Variants in RBFOX1 observed in about 807,000 individuals in gnomAD.
The protein encoded by RBFOX1 is RNA binding fox-1 homolog 1.
Under a neutral mutation model 57.7 loss-of-function variants are expected in RBFOX1, and 8 were observed. The observed-to-expected ratio is 0.14, with a 90% confidence interval of 0.08 to 0.25. The LOEUF is 0.25. Among genes scored for constraint, RBFOX1 ranks in the 10% least tolerant of loss-of-function variants. The probability of loss-of-function intolerance (pLI) is 1.00; values close to 1 mark genes in which losing one functional copy is unlikely to be tolerated. For synonymous variants in RBFOX1, 326 were observed against 222.4 expected (o/e 1.47, Z -4.15); for missense variants, 611 against 548.5 (o/e 1.11, Z -1.14).
chr16:6,694,416 G>A (rs530270808), intron 3 of RBFOX1, among the ~76,000 whole-genome samples: 2 of 152,168 alleles, frequency 1.3e-5, no homozygotes, highest in African/African-American at 2.4e-5. Flanking sequence ...AGAAAAAACT[G>A]GTTGGTCTTA....
At chr16:5,311,262 A>G (rs1274333386) in intron 1 of RBFOX1, among the ~76,000 whole-genome samples, 1 of 152,172 alleles carries the variant, frequency 6.6e-6, no homozygotes, top group Non-Finnish European at 1.5e-5. Context: ...ATATACACAC[A>G]CATATATATT....
chr16:6,493,873 C>A (rs938329142), intron 2 of RBFOX1, among the ~76,000 whole-genome samples: 1 of 152,152 alleles, frequency 6.6e-6, no homozygotes, highest in African/African-American at 2.4e-5. Context: ...AACTATGCAA[C>A]GTTAAGTACA....
chr16:6,748,166 G>A (rs775640249), intron 3 of RBFOX1, among the ~76,000 whole-genome samples: 25 of 151,710 alleles, frequency 1.6e-4, no homozygotes, highest in African/African-American at 3.2e-4. Context: ...CTAGCATCTC[G>A]TTAGGCAATA....
chr16:5,793,648 C>T (rs181987153), intron 3 of RBFOX1, among the ~76,000 whole-genome samples: 5 of 152,306 alleles, frequency 3.3e-5, no homozygotes, highest in East Asian at 1.9e-4. Context: ...GTGAGGAACC[C>T]GGTACTTGCA....
At chr16:6,405,247 TG>T (rs2093234580) in intron 2 of RBFOX1, among the ~76,000 whole-genome samples, 1 of 152,144 alleles carries the variant, frequency 6.6e-6, no homozygotes, top group Non-Finnish European at 1.5e-5. Context: ...AGTTAGAGGG[TG>T]TTTTGAGATG....
chr16:6,274,762 A>G (rs2075613428), intron 1 of RBFOX1, among the ~76,000 whole-genome samples: 1 of 152,204 alleles, frequency 6.6e-6, no homozygotes, highest in South Asian at 2.1e-4. Context: ...CTCAGAATGA[A>G]ATATCTAATT....
chr16:6,141,429 A>G (rs929725020), intron 1 of RBFOX1, among the ~76,000 whole-genome samples: 6 of 152,114 alleles, frequency 3.9e-5, no homozygotes, highest in African/African-American at 9.7e-5. Flanking sequence ...CCCCTGGGTT[A>G]TCTGTTAGGG....
At chr16:7,024,841 G>A (rs2040413983) in intron 3 of RBFOX1, among the ~76,000 whole-genome samples, 1 of 152,268 alleles carries the variant, frequency 6.6e-6, no homozygotes, top group East Asian at 1.9e-4. Context: ...CTCACACGGG[G>A]CTGGGTGTCA....
chr16:7,445,031 TTTCTTTTG>T (rs1032629893), intron 4 of RBFOX1, among the ~76,000 whole-genome samples: 1 of 152,156 alleles, frequency 6.6e-6, no homozygotes, highest in Non-Finnish European at 1.5e-5. Flanking sequence ...TTCTTCTTTT[TTTCTTTTG>T]GGAATAAGAA....
At chr16:6,342,343 G>A (rs896237584) in intron 2 of RBFOX1, among the ~76,000 whole-genome samples, 47 of 152,288 alleles carry the variant, frequency 3.1e-4, no homozygotes, top group African/African-American at 1.1e-3. Flanking sequence ...GAATTGACAT[G>A]AATTAGAGAT....
intron 1 of RBFOX1, among the ~76,000 whole-genome samples, chr16:5,259,975 C>T (rs1379316328): frequency 1.3e-5 from 2 of 152,082 alleles, no homozygotes; most frequent in Admixed American, 6.6e-5. Context: ...CTGAGGTGGT[C>T]AGATCACTTG....
At chr16:6,602,576 C>A (rs887080435) in intron 2 of RBFOX1, among the ~76,000 whole-genome samples, 2 of 152,126 alleles carry the variant, frequency 1.3e-5, no homozygotes, top group African/African-American at 4.8e-5. Context: ...GTGTGTGCTG[C>A]TGGGAGGCCA....
chr16:5,866,477 A>G (rs1223956445), intron 3 of RBFOX1, among the ~76,000 whole-genome samples: 1 of 152,242 alleles, frequency 6.6e-6, no homozygotes, highest in East Asian at 1.9e-4. Flanking sequence ...TCCAGGTATA[A>G]GAGAAGTTGT....
chr16:5,329,387 C>G (rs960415643), intron 1 of RBFOX1, among the ~76,000 whole-genome samples: 4 of 152,016 alleles, frequency 2.6e-5, no homozygotes, highest in Non-Finnish European at 1.5e-5. Flanking sequence ...GAAGGGACTA[C>G]CCACTTTTAA....
chr16:6,529,540 CAG>C (rs1217612649), intron 2 of RBFOX1, among the ~76,000 whole-genome samples: 2 of 151,092 alleles, frequency 1.3e-5, no homozygotes, highest in Non-Finnish European at 2.9e-5. Flanking sequence ...GCCTGGGTGA[CAG>C]AGACTCCATC....
chr16:5,636,099 G>C (rs1374001191), intron 3 of RBFOX1, among the ~76,000 whole-genome samples: 1 of 152,034 alleles, frequency 6.6e-6, no homozygotes, highest in Non-Finnish European at 1.5e-5. Context: ...TGTAACCCCA[G>C]CACTTTGGGA....
chr16:6,604,406 C>G (rs75071455), intron 2 of RBFOX1, among the ~76,000 whole-genome samples: 1 of 152,058 alleles, frequency 6.6e-6, no homozygotes, highest in Non-Finnish European at 1.5e-5. Flanking sequence ...TACAGTCTTG[C>G]ATTTAAGTGA....
At chr16:7,088,224 G>A (rs2060281483) in intron 4 of RBFOX1, among the ~76,000 whole-genome samples, 1 of 152,192 alleles carries the variant, frequency 6.6e-6, no homozygotes, top group South Asian at 2.1e-4. Flanking sequence ...GGGAAGTCGG[G>A]TTAGACATGA....
At chr16:6,903,309 C>A (rs1400978385) in intron 3 of RBFOX1, among the ~76,000 whole-genome samples, 1 of 152,170 alleles carries the variant, frequency 6.6e-6, no homozygotes, top group African/African-American at 2.4e-5. Context: ...GAGAGGTCAG[C>A]AGCCCTTACA....
Sources: gnomAD v4.1 joint callset for allele counts (sites outside exome capture counted in the v4.1 genomes callset) on GRCh38, gnomAD v4.1.1 for gene constraint, MANE v1.5 for transcripts, NCBI Gene and HGNC (gene_info 2026-07-23, HGNC 2026-07-21) for gene names.